The following FTO variants were observed in gnomAD, a reference collection of about 807,000 sequenced individuals.
FTO encodes alpha-ketoglutarate-dependent dioxygenase FTO.
A neutral mutation model predicts 63.9 loss-of-function variants in FTO; 47 were observed. That is an observed-to-expected ratio of 0.74 (90% confidence interval 0.58 to 0.94). FTO has a LOEUF of 0.94. Ranked by LOEUF, FTO falls within the 40% of genes least tolerant of loss-of-function variation. The pLI is 0.00. For missense variants in FTO, 562 were observed against 618.1 expected (o/e 0.91, Z 0.96); for synonymous variants, 207 against 224.4 (o/e 0.92, Z 0.69).
In FTO at chr16:53,798,400, G is replaced by A. The variant is rs575755984; in HGVS notation, c.46-11740G>A. Among the ~76,000 whole-genome samples the A allele has an allele frequency of 5.3e-5, 8 of 152,040 alleles. No homozygotes were observed. In the South Asian group the frequency reaches 1.5e-3, roughly 28 times the overall value. ...TTTGGGGACAGTGAAATATTTTATC[G>A]AGTCTTCCAGTCCACTAACATGGCA... is the stretch of plus-strand genomic sequence containing the variant. On this transcript the variant is annotated intron_variant, in intron 1 of 8. Coordinates refer to ENST00000471389, the MANE Select transcript of FTO (RefSeq NM_001080432.3).
In FTO at chr16:54,112,213, C is replaced by G. The variant is rs539881796; in HGVS notation, c.*298C>G. On this transcript the variant is annotated 3_prime_UTR_variant, in exon 9 of 9. Coordinates refer to ENST00000471389, the MANE Select transcript of FTO (RefSeq NM_001080432.3). ...GGGCAGGCGACAGGAACGAGCCCAG[C>G]GTGTGACAAAGCCTAACCTACTTTC... The G allele has an allele frequency of 4.9e-6, 2 of 409,942 alleles. No homozygotes were observed. The highest frequency in any genetic ancestry group is 2.0e-5 in the African/African-American group (1 of 48,982). 25.4% of individuals were successfully genotyped at this position (409,942 alleles called of 1,614,324 possible). A position where few individuals can be genotyped will look rare whatever the true frequency, so the allele number is the denominator to read the frequency against.
chr16:54,048,113 A>G (rs1227135721), intron 8 of FTO, among the ~76,000 whole-genome samples: 2 of 82,304 alleles, frequency 2.4e-5, no homozygotes, highest in Non-Finnish European at 4.0e-5. Context: ...AGAGTATAAT[A>G]AAAAAAAAAA....
intron 2 of FTO, among the ~76,000 whole-genome samples, chr16:53,816,372 A>G (rs1037115870): frequency 6.6e-6 from 1 of 152,090 alleles, no homozygotes; most frequent in African/African-American, 2.4e-5. Context: ...AGCTCATTAC[A>G]CTTTCTTGCT....
chr16:53,812,259 T>G (rs377736792), intron 2 of FTO, among the ~76,000 whole-genome samples: 1 of 152,054 alleles, frequency 6.6e-6, no homozygotes, highest in South Asian at 2.1e-4. Context: ...TATCAGCACT[T>G]AATCTCACTT....
intron 1 of FTO, among the ~76,000 whole-genome samples, chr16:53,758,205 G>C (rs572281739): frequency 2.4e-4 from 37 of 152,214 alleles, no homozygotes; most frequent in South Asian, 6.2e-4. Context: ...CTGCCTAAAG[G>C]GACTCTGGTT....
intron 8 of FTO, chr16:53,981,258 G>GA (rs2143815723): frequency 6.6e-6 from 1 of 152,488 alleles, no homozygotes; most frequent in Admixed American, 6.5e-5. Flanking sequence ...CCAGGAGGTT[G>GA]AAGCTGCAAT....
At chr16:53,779,499 A>T (rs1201283951) in intron 1 of FTO, among the ~76,000 whole-genome samples, 2 of 152,140 alleles carry the variant, frequency 1.3e-5, no homozygotes, top group Non-Finnish European at 2.9e-5. Flanking sequence ...TCAATTCTCT[A>T]TTGTGGTTTG....
intron 7 of FTO, among the ~76,000 whole-genome samples, chr16:53,906,980 C>G (rs1215623018): frequency 6.6e-6 from 1 of 152,168 alleles, no homozygotes; most frequent in Non-Finnish European, 1.5e-5. Context: ...TACCAGCCTT[C>G]CTCTGGGCTA....
At position 53,947,000 on chromosome 16, in the gene FTO, G is replaced by A. The variant is rs368571822; in HGVS notation, c.1364+12891G>A. On this transcript the variant is annotated intron_variant, in intron 8 of 8. Transcript: ENST00000471389. The stretch of plus-strand genomic sequence containing the variant: ...ACAAGACTGTTACAGTTAATTTTAT[G>A]GCAAGCATATTGTCTCTTCAAGGCT... Among the ~76,000 whole-genome samples the A allele has an allele frequency of 2.0e-5, 3 of 152,286 alleles. No individual in the cohort carries two copies. In the East Asian group the frequency reaches 5.8e-4, roughly 29 times the overall value.
At chr16:53,825,798 C>T in intron 2 of FTO, 66 bp from the exon 3 acceptor site, 2 of 1,575,884 alleles carry the variant, frequency 1.3e-6, no homozygotes, top group East Asian at 2.2e-5. Context: ...CAAAGAAACA[C>T]ACCTTTGGAA....
intron 7 of FTO, among the ~76,000 whole-genome samples, chr16:53,913,376 C>G (rs903131367): frequency 6.6e-6 from 1 of 152,148 alleles, no homozygotes; most frequent in Non-Finnish European, 1.5e-5. Flanking sequence ...TACAGTCAGA[C>G]ACATTGAACA....
chr16:53,868,983 C>T (rs1469300352), intron 4 of FTO, among the ~76,000 whole-genome samples: 1 of 152,064 alleles, frequency 6.6e-6, no homozygotes, highest in Non-Finnish European at 1.5e-5. Context: ...AGGTGTGTGC[C>T]ACTGCGCCCA....
intron 1 of FTO, among the ~76,000 whole-genome samples, chr16:53,771,902 C>G (rs960975169): frequency 1.3e-5 from 2 of 152,016 alleles, no homozygotes; most frequent in African/African-American, 2.4e-5. Context: ...ACAGAATAGA[C>G]AAATCCATAG....
At chr16:53,805,281 C>A (rs1270352977) in intron 1 of FTO, among the ~76,000 whole-genome samples, 2 of 152,088 alleles carry the variant, frequency 1.3e-5, no homozygotes, top group African/African-American at 2.4e-5. Flanking sequence ...TCATAATCCA[C>A]TTAATCTTTT....
At chr16:53,895,435 G>A (rs1476991751) in intron 7 of FTO, among the ~76,000 whole-genome samples, 4 of 152,080 alleles carry the variant, frequency 2.6e-5, no homozygotes, top group Non-Finnish European at 4.4e-5. Context: ...TTTTGCAACT[G>A]GATAAGGAAA....
At chr16:53,815,725 T>C (rs1015843023) in intron 2 of FTO, among the ~76,000 whole-genome samples, 1 of 145,066 alleles carries the variant, frequency 6.9e-6, no homozygotes, top group Non-Finnish European at 1.5e-5. Flanking sequence ...CTTGGCTCAC[T>C]GTAACCTCCG....
intron 8 of FTO, among the ~76,000 whole-genome samples, chr16:53,997,280 C>G (rs2083957936): frequency 6.6e-6 from 1 of 152,032 alleles, no homozygotes; most frequent in Admixed American, 6.6e-5. Context: ...CAATCACTAT[C>G]AGCATGGGGG....
In FTO at chr16:53,927,583, G is replaced by C. The variant is rs1248074019; in HGVS notation, c.1240-6402G>C. ...TGGAAGGGCAGATCACCCAGAGAGAGAGCAAACCGAAGAGATGAGAGGAGG... is the reference window on the plus strand; with the variant it reads ...TGGAAGGGCAGATCACCCAGAGAGACAGCAAACCGAAGAGATGAGAGGAGG... On this transcript the variant is annotated intron_variant, in intron 7 of 8. Transcript: ENST00000471389. Among the ~76,000 whole-genome samples the C allele has an allele frequency of 2.0e-5, 3 of 152,244 alleles. No homozygotes were observed. The East Asian group carries it at 5.8e-4, about 29-fold the overall frequency.
At position 53,785,920 on chromosome 16, in the gene FTO, A is replaced by AT. The variant is rs201707337; in HGVS notation, c.46-24220_46-24219insT. Reference sequence around the variant, plus strand: ...CGAGACTCCATCTCAAAAAGAAAAAAAAAAAAAAAAGAAAGTCATGATAAA... The same window carrying AT: ...CGAGACTCCATCTCAAAAAGAAAAAATAAAAAAAAAAGAAAGTCATGATAAA... On this transcript the variant is annotated intron_variant, in intron 1 of 8. Coordinates refer to ENST00000471389, the MANE Select transcript of FTO (RefSeq NM_001080432.3). 5.0e-3 allele frequency among the ~76,000 whole-genome samples: 757 copies of AT among 150,872 alleles called. 8 individuals are homozygous for AT. Among genetic ancestry groups the AT allele is most frequent in the African/African-American group, 0.018 (727 of 41,438 alleles).
Sources: gnomAD v4.1 joint callset for allele counts (sites outside exome capture counted in the v4.1 genomes callset) on GRCh38, gnomAD v4.1.1 for gene constraint, MANE v1.5 for transcripts, NCBI Gene and HGNC (gene_info 2026-07-23, HGNC 2026-07-21) for gene names.